RSU1: variants seen among roughly 807,000 people sequenced by gnomAD.
RSU1 encodes the protein rsu-1.
A neutral mutation model predicts 31.1 loss-of-function variants in RSU1; 26 were observed. That is an observed-to-expected ratio of 0.84 (90% CI 0.61 to 1.16). RSU1 has a LOEUF of 1.16. Among genes scored for constraint, RSU1 ranks in the 50% most tolerant of loss-of-function variants. The pLI is 0.00. For missense variants in RSU1, 320 were observed against 339.1 expected, an observed-to-expected ratio of 0.94 and a Z score of 0.44; for synonymous variants, 164 against 136.3, an observed-to-expected ratio of 1.20 and a Z score of -1.41.
At chr10:16,799,853 C>T (rs912477554) in intron 2 of RSU1, among the ~76,000 whole-genome samples, 7 of 152,030 alleles carry the variant, frequency 4.6e-5, no homozygotes, top group African/African-American at 1.2e-4. Context: ...GGAGGGGATG[C>T]GGGGAAGTTG....
chr10:16,765,101 G>A (rs1292575865), intron 3 of RSU1, among the ~76,000 whole-genome samples: 2 of 151,896 alleles, frequency 1.3e-5, no homozygotes, highest in East Asian at 1.9e-4. Flanking sequence ...TGATCTTATA[G>A]GTGCAATTTT....
intron 2 of RSU1, among the ~76,000 whole-genome samples, chr10:16,800,934 C>A (rs1838142082): frequency 6.8e-6 from 1 of 147,642 alleles, no homozygotes; most frequent in Admixed American, 6.7e-5. Flanking sequence ...TCAATTAAAG[C>A]CACGGAAAGC....
rs949026026 is a variant in RSU1, at chr10:16,817,303, G to A, written c.-4+12C>T. On this transcript the variant is annotated intron_variant, in intron 1 of 8. Coordinates refer to ENST00000345264, the MANE Select transcript of RSU1 (RefSeq NM_012425.4). ...GAGAAGCAACCCCAAGTGCAACACC[G>A]CACACACTCACCACGGAAGGTAGCC... 4 of 546,316 alleles carry A rather than the reference G, an allele frequency of 7.3e-6. No homozygotes were observed. The highest frequency in any genetic ancestry group is 3.8e-5 in the African/African-American group (2 of 52,540). 33.8% of individuals were successfully genotyped at this position (546,316 alleles called of 1,614,324 possible). A position where few individuals can be genotyped will look rare whatever the true frequency, so the allele number is the denominator to read the frequency against.
chr10:16,618,968 G>A (rs1043396803), intron 8 of RSU1, among the ~76,000 whole-genome samples: 5 of 152,128 alleles, frequency 3.3e-5, no homozygotes, highest in African/African-American at 1.2e-4. Flanking sequence ...TGTTCTGCAC[G>A]TGTATCCCAG....
intron 7 of RSU1, among the ~76,000 whole-genome samples, chr10:16,732,720 C>A (rs1362862924): frequency 1.3e-5 from 2 of 152,228 alleles, no homozygotes; most frequent in African/African-American, 4.8e-5. Flanking sequence ...TGCAGTGACA[C>A]CTGGTGTTCC....
intron 8 of RSU1, among the ~76,000 whole-genome samples, chr10:16,652,022 G>C (rs1418417221): frequency 1.3e-5 from 2 of 152,150 alleles, no homozygotes; most frequent in Non-Finnish European, 2.9e-5. Flanking sequence ...TGGGGGAGGA[G>C]AGAGCACATT....
chr10:16,783,473 A>G (rs755825576), intron 2 of RSU1, among the ~76,000 whole-genome samples: 13 of 149,332 alleles, frequency 8.7e-5, no homozygotes, highest in Non-Finnish European at 1.5e-4. Flanking sequence ...CTCCTGCCTC[A>G]GCCTCCACAG....
chr10:16,728,393 C>T (rs780150945), intron 7 of RSU1, among the ~76,000 whole-genome samples: 2 of 152,170 alleles, frequency 1.3e-5, no homozygotes, highest in Non-Finnish European at 2.9e-5. Flanking sequence ...CACCTACACC[C>T]TTCATCATAC....
intron 7 of RSU1, 92 bp downstream of exon 7, chr10:16,752,447 C>A: frequency 1.1e-6 from 1 of 902,406 alleles, no homozygotes; most frequent in South Asian, 1.5e-5. Flanking sequence ...GAGTAGTTGC[C>A]AAGAAGAGGA....
At chr10:16,670,572 C>A (rs138298465) in intron 8 of RSU1, among the ~76,000 whole-genome samples, 2 of 152,210 alleles carry the variant, frequency 1.3e-5, no homozygotes, top group East Asian at 3.9e-4. Flanking sequence ...TAAGTTCTAC[C>A]TCCAGCCTAA....
At chr10:16,648,521 T>C (rs951978522) in intron 8 of RSU1, among the ~76,000 whole-genome samples, 28 of 152,074 alleles carry the variant, frequency 1.8e-4, no homozygotes, top group Admixed American at 8.5e-4. Flanking sequence ...GAAGCTGTAG[T>C]CTACAGTTAG....
intron 8 of RSU1, among the ~76,000 whole-genome samples, chr10:16,655,437 C>A (rs1834760779): frequency 6.6e-6 from 1 of 152,110 alleles, no homozygotes; most frequent in African/African-American, 2.4e-5. Flanking sequence ...GTTTGCTGAC[C>A]TACAAAGTGG....
chr10:16,628,701 T>C (rs1834198531), intron 8 of RSU1, among the ~76,000 whole-genome samples: 1 of 151,880 alleles, frequency 6.6e-6, no homozygotes, highest in Non-Finnish European at 1.5e-5. Flanking sequence ...AAATGTGAAC[T>C]TACAGGGAAA....
At chr10:16,596,595 T>C (rs1833618336) in intron 8 of RSU1, among the ~76,000 whole-genome samples, 1 of 152,236 alleles carries the variant, frequency 6.6e-6, no homozygotes, top group African/African-American at 2.4e-5. Context: ...CCTAGGTAGC[T>C]TCAGCTACAC....
At chr10:16,627,596 A>T (rs1834179632) in intron 8 of RSU1, among the ~76,000 whole-genome samples, 1 of 152,026 alleles carries the variant, frequency 6.6e-6, no homozygotes, top group Non-Finnish European at 1.5e-5. Context: ...TCTACTAAAT[A>T]CAAAAAATCA....
In RSU1 at chr10:16,790,229, C is replaced by G. The variant is rs138487495; in HGVS notation, c.110-8145G>C. Among the ~76,000 whole-genome samples, 59 of 152,294 alleles carry G rather than the reference C, an allele frequency of 3.9e-4. No individual in the cohort carries two copies. In the East Asian group the frequency reaches 9.5e-3, roughly 24 times the overall value. Reference sequence around the variant, plus strand: ...ATTGACTGGATATTTACTGATCACACTCAGAGCGCCGGCCGTCTCTACCTT... The same window carrying G: ...ATTGACTGGATATTTACTGATCACAGTCAGAGCGCCGGCCGTCTCTACCTT... On this transcript the variant is annotated intron_variant, in intron 2 of 8. Transcript: ENST00000345264.
At chr10:16,671,045 C>T (rs1434916062) in intron 8 of RSU1, among the ~76,000 whole-genome samples, 1 of 152,148 alleles carries the variant, frequency 6.6e-6, no homozygotes, top group African/African-American at 2.4e-5. Context: ...GGATTACAGG[C>T]ATGAGCCACC....
chr10:16,604,984 GC>G (rs1833777972), intron 8 of RSU1, among the ~76,000 whole-genome samples: 1 of 152,230 alleles, frequency 6.6e-6, no homozygotes, highest in Non-Finnish European at 1.5e-5. Flanking sequence ...TGGCGAGAGA[GC>G]CTGCTTGGGG....
intron 2 of RSU1, among the ~76,000 whole-genome samples, chr10:16,807,745 G>A (rs957598703): frequency 1.3e-5 from 2 of 152,082 alleles, no homozygotes; most frequent in African/African-American, 2.4e-5. Context: ...ATTCTGAGAC[G>A]AGGTACGGTG....
Sources: allele counts gnomAD v4.1 joint callset (sites outside exome capture counted in the v4.1 genomes callset), GRCh38; gene constraint gnomAD v4.1.1; transcripts MANE v1.5; gene names NCBI Gene and HGNC (gene_info 2026-07-23, HGNC 2026-07-21).